Variants in ZNF536 observed in about 807,000 individuals in gnomAD.
ZNF536 encodes the protein zinc finger protein 536.
Under a neutral mutation model 84.5 loss-of-function variants are expected in ZNF536, and 13 were observed. That is an observed-to-expected ratio of 0.15 (90% CI 0.10 to 0.24). ZNF536 has a LOEUF of 0.24. Ranked by LOEUF, ZNF536 falls within the 10% of genes least tolerant of loss-of-function variation. The pLI, the probability that ZNF536 is intolerant of heterozygous loss-of-function variation, is 1.00. For synonymous variants in ZNF536, 811 were observed against 742.5 expected (o/e 1.09, Z -1.50); for missense variants, 1,536 against 1,747.5 (o/e 0.88, Z 2.16).
At chr19:30,421,000 C>T (rs991387601) in intron 1 of ZNF536, among the ~76,000 whole-genome samples, 3 of 152,062 alleles carry the variant, frequency 2.0e-5, no homozygotes, top group Non-Finnish European at 4.4e-5. Context: ...TGAAGTTGTG[C>T]GGCAGACGGG....
At position 30,603,631 on chromosome 19, in the gene ZNF536, G is replaced by A. The variant is rs552196759; in HGVS notation, c.169+54117G>A. Among the ~76,000 whole-genome samples the A allele has an allele frequency of 3.3e-5, 5 of 152,160 alleles. No individual in the cohort carries two copies. The East Asian group carries it at 7.7e-4, about 24-fold the overall frequency. Reference sequence around the variant, plus strand: ...TAATTTTAGAAAGGAAAACAAGGAGGGGGCACCAATCTTGCATACTGTGAT... The same window carrying A: ...TAATTTTAGAAAGGAAAACAAGGAGAGGGCACCAATCTTGCATACTGTGAT... On this transcript the variant is annotated intron_variant, in intron 1 of 1. Transcript: ENST00000592773.
chr19:30,400,563 G>C (rs189476689), intron 1 of ZNF536, among the ~76,000 whole-genome samples: 2 of 151,956 alleles, frequency 1.3e-5, no homozygotes, highest in Non-Finnish European at 2.9e-5. Context: ...AGTTTTGAGG[G>C]GTTTTGTTTT....
chr19:30,479,674 G>A (rs899315202), intron 2 of ZNF536, among the ~76,000 whole-genome samples: 17 of 152,184 alleles, frequency 1.1e-4, no homozygotes, highest in Admixed American at 1.0e-3. Flanking sequence ...TGCCTGTTGG[G>A]TTTTTGTCCC....
intron 1 of ZNF536, among the ~76,000 whole-genome samples, chr19:30,654,565 T>C (rs1257986182): frequency 6.6e-6 from 1 of 152,176 alleles, no homozygotes; most frequent in Non-Finnish European, 1.5e-5. Context: ...TGACTGCACC[T>C]GGTTGAGTGA....
intron 2 of ZNF536, among the ~76,000 whole-genome samples, chr19:30,321,781 CT>C (rs1422663227): frequency 5.5e-4 from 60 of 108,532 alleles, no homozygotes; most frequent in South Asian, 8.9e-4. Flanking sequence ...TTCTTTCTTT[CT>C]TTTTTTTTTT....
intron 2 of ZNF536, among the ~76,000 whole-genome samples, chr19:30,329,193 C>T (rs768261754): frequency 1.3e-5 from 2 of 152,202 alleles, no homozygotes; most frequent in Non-Finnish European, 2.9e-5. Context: ...GGCCACACAA[C>T]AGCAAGTGAA....
At chr19:30,595,530 C>CT (rs2047433460) in intron 1 of ZNF536, among the ~76,000 whole-genome samples, 1 of 152,080 alleles carries the variant, frequency 6.6e-6, no homozygotes, top group African/African-American at 2.4e-5. Flanking sequence ...TTAAGCAATC[C>CT]TCCCACCTTG....
Position 30,552,788 on chromosome 19 carries a change from C to T in ZNF536, c.3895+3274C>T, listed in dbSNP as rs533453067. 1.8e-4 allele frequency among the ~76,000 whole-genome samples: 28 copies of T among 152,252 alleles called. No homozygotes were observed. In the South Asian group the frequency reaches 3.3e-3, roughly 18 times the overall value. ...CGACCCAGCCAGTTGGGTGGGGAGA[C>T]GCCTGTTGCATATGACAGTGTCGAG... is the stretch of plus-strand genomic sequence containing the variant. On this transcript the variant is annotated intron_variant, in intron 4 of 4. Transcript: ENST00000355537.
intron 2 of ZNF536, among the ~76,000 whole-genome samples, chr19:30,459,707 T>C (rs140396469): frequency 1.6e-3 from 247 of 152,210 alleles, no homozygotes; most frequent in African/African-American, 5.8e-3. Flanking sequence ...CTGGTTTGTG[T>C]CATTGAATCT....
At chr19:30,622,941 C>A (rs1265872969) in intron 1 of ZNF536, among the ~76,000 whole-genome samples, 1 of 151,826 alleles carries the variant, frequency 6.6e-6, no homozygotes, top group Non-Finnish European at 1.5e-5. Context: ...ACCCACTCCT[C>A]CTAGAGTTTT....
chr19:30,597,318 A>G (rs1393665238), intron 1 of ZNF536, among the ~76,000 whole-genome samples: 2 of 152,272 alleles, frequency 1.3e-5, no homozygotes. Flanking sequence ...CTTGTGCAAT[A>G]GAATGCCACG....
At chr19:30,288,798 C>A (rs2045735188) in intron 2 of ZNF536, among the ~76,000 whole-genome samples, 2 of 152,198 alleles carry the variant, frequency 1.3e-5, no homozygotes, top group Admixed American at 1.3e-4. Flanking sequence ...GCATTTAGTA[C>A]AAGCATGGCA....
At chr19:30,330,042 G>T (rs746661475) in intron 2 of ZNF536, among the ~76,000 whole-genome samples, 1 of 152,040 alleles carries the variant, frequency 6.6e-6, no homozygotes, top group Non-Finnish European at 1.5e-5. Flanking sequence ...TTCATGCCTG[G>T]TATACAGTAG....
intron 1 of ZNF536, among the ~76,000 whole-genome samples, chr19:30,642,039 C>T (rs2049284723): frequency 6.6e-6 from 1 of 152,182 alleles, no homozygotes; most frequent in Non-Finnish European, 1.5e-5. Context: ...GGACCACCTC[C>T]CTCTGCAATG....
intron 2 of ZNF536, among the ~76,000 whole-genome samples, chr19:30,328,440 G>A (rs973863531): frequency 6.6e-6 from 1 of 152,180 alleles, no homozygotes; most frequent in Non-Finnish European, 1.5e-5. Flanking sequence ...CTGCTCTTGG[G>A]GCTCTCTGCT....
intron 1 of ZNF536, among the ~76,000 whole-genome samples, chr19:30,412,048 T>C (rs2050517207): frequency 6.6e-6 from 1 of 151,998 alleles, no homozygotes; most frequent in South Asian, 2.1e-4. Flanking sequence ...AATTGTTTTT[T>C]TTTATACAGG....
chr19:30,443,709 G>A lies in ZNF536; in HGVS notation c.147G>A (p.Glu49=), dbSNP rs922360417. The A allele has an allele frequency of 3.7e-6, 6 of 1,613,616 alleles. No individual in the cohort carries two copies. In the Admixed American group the frequency reaches 1.0e-4, roughly 27 times the overall value. ...CCCAGCTCAGCCATGCCTTCCCCGA[G>A]CTCCATCCCCGGCCCAACCCCGAGG... ...ITSQLSHAFP[E]LHPRPNPEEK... Residue 49 remains glutamate (E), a synonymous_variant, in exon 2 of 5, where the codon GAG becomes GAA. Transcript: ENST00000355537.
intron 1 of ZNF536, among the ~76,000 whole-genome samples, chr19:30,695,702 C>T (rs76372997): frequency 0.024 from 3,693 of 152,242 alleles, 53 homozygotes; most frequent in Non-Finnish European, 0.035. Flanking sequence ...CATGTATAGC[C>T]AGGATTTGGG....
At chr19:30,484,169 T>C (rs1198342188) in intron 2 of ZNF536, among the ~76,000 whole-genome samples, 1 of 151,394 alleles carries the variant, frequency 6.6e-6, no homozygotes. Context: ...GTTGAATGGA[T>C]GAATGTATGT....
Sources: allele counts gnomAD v4.1 joint callset (sites outside exome capture counted in the v4.1 genomes callset), GRCh38; gene constraint gnomAD v4.1.1; transcripts MANE v1.5; gene names NCBI Gene and HGNC (gene_info 2026-07-23, HGNC 2026-07-21).